Variants in DNAH6 observed in about 807,000 individuals in gnomAD.
The protein encoded by DNAH6 is axonemal beta dynein heavy chain 6.
A neutral mutation model predicts 491.4 loss-of-function variants in DNAH6; 340 were observed. That is an observed-to-expected ratio of 0.69 (90% CI 0.63 to 0.76). The LOEUF (loss-of-function observed/expected upper bound fraction) is 0.76, where lower values mean the gene tolerates loss of function less well. Ranked by LOEUF, DNAH6 falls within the 30% of genes least tolerant of loss-of-function variation. DNAH6 has a pLI of 0.00. For missense variants in DNAH6, 4,443 were observed against 4,972.2 expected (o/e 0.89, Z 3.20); for synonymous variants, 1,603 against 1,686.1 (o/e 0.95, Z 1.21).
At chr2:84,505,121 C>T in the DNAH6 span, among the ~76,000 whole-genome samples, 1 of 152,152 alleles carries the variant, frequency 6.6e-6, no homozygotes, top group Non-Finnish European at 1.5e-5. Context: ...TGCTATTATA[C>T]ATGGAATTGT....
At chr2:84,547,717 G>T in intron 7 of DNAH6, 105 bp downstream of exon 7, 1 of 1,203,952 alleles carries the variant, frequency 8.3e-7, no homozygotes, top group Non-Finnish European at 1.1e-6. Context: ...TTCTATGTTT[G>T]AATTGTTCCA....
intron 73 of DNAH6, 35 bp downstream of exon 73, chr2:84,812,561 C>G: frequency 6.5e-7 from 1 of 1,529,108 alleles, no homozygotes; most frequent in Non-Finnish European, 8.8e-7. Flanking sequence ...TTTGATGAAT[C>G]TGATGGCATA....
intron 5 of DNAH6, among the ~76,000 whole-genome samples, chr2:84,546,375 T>C (rs545996039): frequency 6.6e-6 from 1 of 152,332 alleles, no homozygotes; most frequent in Non-Finnish European, 1.5e-5. Context: ...ATAGTTGTTA[T>C]ACTATATTGT....
rs1272902092 is a variant in DNAH6, at chr2:84,621,461, T to G, written c.3981T>G (p.Ile1327Met). 1 of 1,539,758 alleles carries G rather than the reference T, an allele frequency of 6.5e-7. No homozygotes were observed. Among genetic ancestry groups the G allele is most frequent in the East Asian group, 2.5e-5 (1 of 40,530 alleles). The change falls in exon 26 of 77, where the codon ATT (isoleucine) becomes ATG (methionine). Residue 1327 changes from isoleucine (I) to methionine (M), a missense_variant. Ile to Met is a conservative substitution (Grantham distance 10). Transcript: ENST00000389394. ...PSQVILTVSQIMWCRDLTECL... is the reference protein window; with the variant it reads ...PSQVILTVSQMMWCRDLTECL... ...AGGTTATCCTGACTGTTTCTCAAAT[T>G]ATGTGGTGCCGTGATTTGACTGAAT...
At chr2:84,645,665 C>T (rs183182666) in intron 33 of DNAH6, among the ~76,000 whole-genome samples, 1 of 152,096 alleles carries the variant, frequency 6.6e-6, no homozygotes, top group East Asian at 1.9e-4. Context: ...TAGACCTTTG[C>T]CAAATGCATA....
At chr2:84,537,524 A>G (rs183120851) in intron 4 of DNAH6, among the ~76,000 whole-genome samples, 7 of 152,064 alleles carry the variant, frequency 4.6e-5, no homozygotes, top group South Asian at 4.1e-4. Context: ...AAGGACTCCA[A>G]TGGGAAAGTA....
the DNAH6 span, among the ~76,000 whole-genome samples, chr2:84,464,996 C>T: frequency 1.3e-5 from 2 of 152,026 alleles, no homozygotes; most frequent in Admixed American, 1.3e-4. Flanking sequence ...ACCCTTAATT[C>T]TAAGGGTTGT....
chr2:84,545,803 G>T lies in DNAH6; in HGVS notation c.930+1303G>T, dbSNP rs531707020. Among the ~76,000 whole-genome samples the T allele has an allele frequency of 1.2e-4, 19 of 152,236 alleles. No homozygotes were observed. In the South Asian group the frequency reaches 3.7e-3, roughly 30 times the overall value. ...ACTAGGGCTGATTCCCCTAGACAAG[G>T]TTGAAGGGAGACATACGAGTTGTCC... is the stretch of plus-strand genomic sequence containing the variant. On this transcript the variant is annotated intron_variant, in intron 5 of 76. Coordinates refer to ENST00000389394, the MANE Select transcript of DNAH6 (RefSeq NM_001370.2).
In DNAH6 at chr2:84,758,127, C is replaced by T. The variant is rs555898219; in HGVS notation, c.10513-4628C>T. On this transcript the variant is annotated intron_variant, in intron 63 of 76. Transcript: ENST00000389394. Reference sequence around the variant, plus strand: ...TAGCTTGTGATAAAGCCACTGAGAACCAAGATCACTATGTAATATTAATGA... The same window carrying T: ...TAGCTTGTGATAAAGCCACTGAGAATCAAGATCACTATGTAATATTAATGA... 1.2e-4 allele frequency among the ~76,000 whole-genome samples: 18 copies of T among 152,206 alleles called. No homozygotes were observed. In the East Asian group the frequency reaches 3.3e-3, roughly 28 times the overall value.
In DNAH6 at chr2:84,588,408, T is replaced by C. The variant is rs1163382682; in HGVS notation, c.2482-418T>C. Among the ~76,000 whole-genome samples, 3 of 152,354 alleles carry C rather than the reference T, an allele frequency of 2.0e-5. No individual in the cohort carries two copies. The East Asian group carries it at 5.8e-4, about 29-fold the overall frequency. On this transcript the variant is annotated intron_variant, in intron 15 of 76. Transcript: ENST00000389394. Reference sequence around the variant, plus strand: ...TAAAACATGTCTTGCCATTTATATTTTTCATTTTCTCTCTTCTGTCATTTT... The same window carrying C: ...TAAAACATGTCTTGCCATTTATATTCTTCATTTTCTCTCTTCTGTCATTTT...
chr2:84,771,234 G>A lies in DNAH6; in HGVS notation c.10703+8289G>A, dbSNP rs190361789. 7.6e-3 allele frequency among the ~76,000 whole-genome samples: 1,149 copies of A among 151,874 alleles called. 13 individuals carry two copies. Among genetic ancestry groups the A allele is most frequent in the Non-Finnish European group, 8.4e-3 (572 of 67,950 alleles). The stretch of plus-strand genomic sequence containing the variant: ...ATCTGGGAGGCAGAGTTTGCAGTGA[G>A]CTGAGATTGCACCATTGCACTCTAG... On this transcript the variant is annotated intron_variant, in intron 64 of 76. Transcript: ENST00000389394.
intron 50 of DNAH6, among the ~76,000 whole-genome samples, chr2:84,703,848 C>A (rs1015189293): frequency 6.6e-6 from 1 of 152,152 alleles, no homozygotes; most frequent in Non-Finnish European, 1.5e-5. Flanking sequence ...GCAACTATGT[C>A]TCTCCTAAGA....
chr2:84,586,176 GC>G (rs1683527823), intron 15 of DNAH6, among the ~76,000 whole-genome samples: 1 of 152,218 alleles, frequency 6.6e-6, no homozygotes, highest in Non-Finnish European at 1.5e-5. Context: ...GTCTTCCCAT[GC>G]CCCCAAGAGC....
intron 34 of DNAH6, among the ~76,000 whole-genome samples, chr2:84,654,458 G>A (rs949917515): frequency 6.6e-6 from 1 of 152,044 alleles, no homozygotes; most frequent in Non-Finnish European, 1.5e-5. Flanking sequence ...GTAGTTGTGG[G>A]AATTTTTTTC....
rs148538896 is a variant in DNAH6, at chr2:84,663,855, G to A, written c.6084+4686G>A. Among the ~76,000 whole-genome samples the A allele has an allele frequency of 7.9e-5, 12 of 152,180 alleles. No individual in the cohort carries two copies. In the East Asian group the frequency reaches 1.5e-3, roughly 20 times the overall value. ...TTAAGGGCAGCTAGAGAGAAAGGTC[G>A]GGTTACCCACAAAGGGAAGCCCATC... On this transcript the variant is annotated intron_variant, in intron 37 of 76. Transcript: ENST00000389394.
the DNAH6 span, among the ~76,000 whole-genome samples, chr2:84,487,861 C>G: frequency 6.6e-6 from 1 of 152,130 alleles, no homozygotes; most frequent in Non-Finnish European, 1.5e-5. Context: ...GACCTGGTAC[C>G]AAGTCCCTGT....
intron 37 of DNAH6, among the ~76,000 whole-genome samples, 195 bp downstream of exon 37, chr2:84,659,364 T>C (rs1691265816): frequency 6.6e-6 from 1 of 152,150 alleles, no homozygotes; most frequent in African/African-American, 2.4e-5. Context: ...CCCAGTCATA[T>C]TAAAAAAGTA....
the DNAH6 span, among the ~76,000 whole-genome samples, chr2:84,491,584 T>C: frequency 6.6e-6 from 1 of 152,196 alleles, no homozygotes; most frequent in Non-Finnish European, 1.5e-5. Context: ...GGGACAAGTA[T>C]ATTCTTTAAG....
chr2:84,761,294 G>A (rs948155174), intron 63 of DNAH6, among the ~76,000 whole-genome samples: 5 of 151,972 alleles, frequency 3.3e-5, no homozygotes, highest in Non-Finnish European at 7.4e-5. Context: ...GTAGAGAAAG[G>A]GATGGTAGAC....
Sources: allele counts gnomAD v4.1 joint callset (sites outside exome capture counted in the v4.1 genomes callset), GRCh38; gene constraint gnomAD v4.1.1; transcripts MANE v1.5; gene names NCBI Gene and HGNC (gene_info 2026-07-23, HGNC 2026-07-21).